The following SLC6A5 variants were observed in gnomAD, a reference collection of about 807,000 sequenced individuals.
SLC6A5 encodes the protein solute carrier family 6 member 5.
In SLC6A5, 58 loss-of-function variants were observed where a neutral mutation model predicts 90.5. The observed-to-expected ratio is 0.64, with a 90% confidence interval of 0.52 to 0.80. SLC6A5 has a LOEUF of 0.80. Among genes scored for constraint, SLC6A5 ranks in the 30% least tolerant of loss-of-function variants. The pLI is 0.00. For synonymous variants in SLC6A5, 427 were observed against 401.4 expected, an observed-to-expected ratio of 1.06 and a Z score of -0.76; for missense variants, 1,015 against 1,017.6, an observed-to-expected ratio of 1.00 and a Z score of 0.03.
At chr11:20,615,940 A>G (rs1466255913) in intron 6 of SLC6A5, among the ~76,000 whole-genome samples, 1 of 152,232 alleles carries the variant, frequency 6.6e-6, no homozygotes, top group African/African-American at 2.4e-5. Context: ...CAGTGATGCC[A>G]GAGCTTCTAT....
At chr11:20,614,539 G>T (rs1272692497) in intron 5 of SLC6A5, 140 bp from the exon 6 acceptor site, 2 of 788,578 alleles carry the variant, frequency 2.5e-6, no homozygotes, top group East Asian at 2.5e-5. Flanking sequence ...ATCTGGCTTT[G>T]CCCAGTTAAT....
At chr11:20,627,423 C>T (rs1265579591) in intron 8 of SLC6A5, among the ~76,000 whole-genome samples, 1 of 152,054 alleles carries the variant, frequency 6.6e-6, no homozygotes, top group East Asian at 1.9e-4. Flanking sequence ...TCTGCTTTTC[C>T]AGGATGTGTT....
intron 8 of SLC6A5, 45 bp from the exon 9 acceptor site, chr11:20,627,935 A>C: frequency 6.9e-7 from 1 of 1,457,096 alleles, no homozygotes; most frequent in Non-Finnish European, 9.6e-7. Flanking sequence ...CCCTGGCGCC[A>C]GTCTCCTTCA....
At chr11:20,618,282 A>G (rs1231442842) in intron 7 of SLC6A5, among the ~76,000 whole-genome samples, 1 of 152,128 alleles carries the variant, frequency 6.6e-6, no homozygotes, top group Non-Finnish European at 1.5e-5. Context: ...CAAGTTAGCT[A>G]TTGCTTCTGC....
rs1217914780 is a variant in SLC6A5 at position 20,633,004 on chromosome 11, A to G, written c.1624+2189A>G. On this transcript the variant is annotated intron_variant, in intron 10 of 15. Transcript: ENST00000525748. ...GGCTGAGGATGGGATTGGTGAAGAG[A>G]CCAAGCTGTGTTTTGCTTTTATGAT... 2.0e-5 allele frequency among the ~76,000 whole-genome samples: 3 copies of G among 152,174 alleles called. No individual in the cohort carries two copies. In the East Asian group the frequency reaches 5.8e-4, roughly 29 times the overall value.
chr11:20,630,574 C>G (rs543435708), intron 9 of SLC6A5, 117 bp from the exon 10 acceptor site: 107 of 1,199,118 alleles, frequency 8.9e-5, no homozygotes, highest in Non-Finnish European at 5.2e-5. Context: ...TGAACGTACA[C>G]GTATATGCCT....
chr11:20,610,598 A>T (rs562929911), intron 5 of SLC6A5, among the ~76,000 whole-genome samples: 1 of 152,356 alleles, frequency 6.6e-6, no homozygotes, highest in Admixed American at 6.5e-5. Flanking sequence ...GAACAGAGAT[A>T]TGGAGTGTTC....
chr11:20,654,736 A>G lies in SLC6A5; in HGVS notation c.2262A>G (p.Pro754=), dbSNP rs1853608581. 1 of 1,614,164 alleles carries G rather than the reference A, an allele frequency of 6.2e-7. No homozygotes were observed. Among genetic ancestry groups the G allele is most frequent in the Non-Finnish European group, 8.5e-7 (1 of 1,180,034 alleles). ...AGAGGCTGAAGTTGGTGTGCTCGCC[A>G]CAGCCGGACTGGGGCCCATTCTTAG... ...FIERLKLVCS[P]QPDWGPFLAQ... Residue 754 remains proline (P), a synonymous_variant, in exon 16 of 16, where the codon CCA becomes CCG. Coordinates refer to ENST00000525748, the MANE Select transcript of SLC6A5 (RefSeq NM_004211.5).
chr11:20,615,555 G>A (rs1852769227), intron 6 of SLC6A5, among the ~76,000 whole-genome samples: 1 of 152,112 alleles, frequency 6.6e-6, no homozygotes, highest in Non-Finnish European at 1.5e-5. Flanking sequence ...TTTTAGTAGA[G>A]ACGGGGTTTC....
At chr11:20,649,451 T>G (rs1853482146) in intron 14 of SLC6A5, among the ~76,000 whole-genome samples, 1 of 152,230 alleles carries the variant, frequency 6.6e-6, no homozygotes, top group Non-Finnish European at 1.5e-5. Context: ...TTCATCAAAG[T>G]TAACTTGGCA....
intron 5 of SLC6A5, among the ~76,000 whole-genome samples, chr11:20,614,256 C>G (rs1852744748): frequency 6.6e-6 from 1 of 152,168 alleles, no homozygotes; most frequent in South Asian, 2.1e-4. Context: ...TCATAAGGAT[C>G]TGAGTTCGAA....
chr11:20,655,892 G>A lies in SLC6A5; in HGVS notation c.*1024G>A, dbSNP rs938006739. ...TTCATTCACAGTAAATGCCAACTGT[G>A]GTCATAGAGAAATCAAAGAAATGGA... is the stretch of plus-strand genomic sequence containing the variant. On this transcript the variant is annotated 3_prime_UTR_variant, in exon 16 of 16. Coordinates refer to ENST00000525748, the MANE Select transcript of SLC6A5 (RefSeq NM_004211.5). The A allele has an allele frequency of 6.6e-6, 1 of 152,064 alleles. No homozygotes were observed. Among genetic ancestry groups the A allele is most frequent in the African/African-American group, 2.4e-5 (1 of 41,406 alleles). The allele number at this position is 152,064 out of a possible 1,614,324, so 9.4% of individuals were successfully genotyped here.
rs1486129735 is a variant in SLC6A5 at position 20,604,523 on chromosome 11, G to A, written c.679+99G>A. The A allele has an allele frequency of 1.7e-5, 25 of 1,442,632 alleles. No homozygotes were observed. The Admixed American group carries it at 4.6e-4, about 27-fold the overall frequency. The allele number at this position is 1,442,632 out of a possible 1,614,324, so 89.4% of individuals were successfully genotyped here. ...TCAGGCAGGGCCGCCGGGCGGGGAG[G>A]CTCAGGACAGCCTCCTTAGGCTCCA... On this transcript the variant is annotated intron_variant, in intron 3 of 15. Coordinates refer to ENST00000525748, the MANE Select transcript of SLC6A5 (RefSeq NM_004211.5).
intron 3 of SLC6A5, 40 bp from the exon 4 acceptor site, chr11:20,606,967 T>G (rs1277732139): frequency 2.5e-6 from 4 of 1,613,612 alleles, no homozygotes; most frequent in Non-Finnish European, 3.4e-6. Context: ...GCAGCCTGCT[T>G]TTGCCTCCTA....
intron 7 of SLC6A5, among the ~76,000 whole-genome samples, chr11:20,622,278 C>T (rs1046766675): frequency 2.0e-5 from 3 of 152,206 alleles, no homozygotes; most frequent in Non-Finnish European, 2.9e-5. Context: ...CTCAGTTCAC[C>T]ATGATCACCA....
At chr11:20,615,222 C>CT (rs1223543943) in intron 6 of SLC6A5, among the ~76,000 whole-genome samples, 3 of 152,006 alleles carry the variant, frequency 2.0e-5, no homozygotes, top group East Asian at 1.9e-4. Flanking sequence ...ATTTTTTTTC[C>CT]TTTTTTTATA....
intron 5 of SLC6A5, among the ~76,000 whole-genome samples, chr11:20,608,413 C>T (rs967378044): frequency 1.3e-5 from 2 of 152,158 alleles, no homozygotes; most frequent in Non-Finnish European, 2.9e-5. Flanking sequence ...TGGTCTATAC[C>T]TCTGTCACTG....
rs1299172096 is a variant in SLC6A5 at position 20,657,380 on chromosome 11, C to T, written c.*2512C>T. On this transcript the variant is annotated 3_prime_UTR_variant, in exon 16 of 16. Coordinates refer to ENST00000525748, the MANE Select transcript of SLC6A5 (RefSeq NM_004211.5). ...TCCAGGTAAGATGCAGTAGCTGCTC[C>T]CTGAGCAGCTGTTTCCCCCCCACCC... 6.6e-6 allele frequency: 1 copy of T among 151,936 alleles called. No individual in the cohort carries two copies. Among genetic ancestry groups the T allele is most frequent in the African/African-American group, 2.4e-5 (1 of 41,292 alleles). The allele number at this position is 151,936 out of a possible 1,614,324, so 9.4% of individuals were successfully genotyped here. A position where few individuals can be genotyped will look rare whatever the true frequency, so the allele number is the denominator to read the frequency against.
intron 14 of SLC6A5, among the ~76,000 whole-genome samples, chr11:20,650,449 C>A (rs2133822832): frequency 6.6e-6 from 1 of 152,210 alleles, no homozygotes; most frequent in South Asian, 2.1e-4. Context: ...ATCATGACCT[C>A]TCTTAAAATC....
Sources: gnomAD v4.1 joint callset for allele counts (sites outside exome capture counted in the v4.1 genomes callset) on GRCh38, gnomAD v4.1.1 for gene constraint, MANE v1.5 for transcripts, NCBI Gene and HGNC (gene_info 2026-07-23, HGNC 2026-07-21) for gene names.